ASNSD1: variants seen among roughly 807,000 people sequenced by gnomAD.
The protein encoded by ASNSD1 is asparagine synthetase domain containing 1.
Under a neutral mutation model 48.3 loss-of-function variants are expected in ASNSD1, and 36 were observed. That is an observed-to-expected ratio of 0.75 (90% CI 0.57 to 0.99). The LOEUF (loss-of-function observed/expected upper bound fraction) is 0.99, where lower values mean the gene tolerates loss of function less well. ASNSD1 is among the 50% of genes least tolerant of loss of function. The pLI, the probability that ASNSD1 is intolerant of heterozygous loss-of-function variation, is 0.00. For missense variants in ASNSD1, 714 were observed against 758.2 expected (o/e 0.94, Z 0.69); for synonymous variants, 257 against 262.1 (o/e 0.98, Z 0.19).
rs561528594 is a variant in ASNSD1, at chr2:189,667,520, C to T, written c.1388C>T (p.Ala463Val). The T allele has an allele frequency of 1.2e-6, 2 of 1,614,080 alleles. No homozygotes were observed. The highest frequency in any genetic ancestry group is 2.2e-5 in the South Asian group (2 of 91,078). Residue 463 changes from alanine to valine, a missense_variant, in exon 4 of 6, where the codon GCA becomes GTA. Transcript: ENST00000260952. ...GTTTTGGATGATAGCATTGGCTGTGCAGTCTGGTTTGCTTCTAGAGGAATT... is the reference window on the plus strand; with the variant it reads ...GTTTTGGATGATAGCATTGGCTGTGTAGTCTGGTTTGCTTCTAGAGGAATT... Reference protein sequence around the residue: ...DTVLDDSIGCAVWFASRGIGW... With the variant: ...DTVLDDSIGCVVWFASRGIGW...
chr2:189,670,190 CAAA>C (rs201038334), intron 5 of ASNSD1, among the ~76,000 whole-genome samples: 6 of 80,474 alleles, frequency 7.5e-5, no homozygotes, highest in Admixed American at 1.3e-4. Flanking sequence ...CTCACCTAGG[CAAA>C]AAAAAAAAAA....
At chr2:189,665,102 GTAT>G (rs964833610) in intron 2 of ASNSD1, among the ~76,000 whole-genome samples, 39 of 152,274 alleles carry the variant, frequency 2.6e-4, no homozygotes, top group African/African-American at 8.9e-4. Context: ...ATAAGAAAAA[GTAT>G]TCTCAATATA....
In ASNSD1 at chr2:189,666,291, C is replaced by G; in HGVS notation, c.159C>G (p.Val53=). ...VNYQCLFSAH[V]LHLRGVLTTQ... is the part of the protein sequence containing the mutation. ...ACCAGTGTTTATTTTCTGCTCACGT[C>G]CTACACTTGAGGGGTGTTTTGACTA... The change falls in exon 4 of 6, where the codon GTC becomes GTG. Residue 53 remains valine (V), a synonymous_variant. Coordinates refer to ENST00000260952, the MANE Select transcript of ASNSD1 (RefSeq NM_019048.4). The G allele has an allele frequency of 6.2e-7, 1 of 1,614,068 alleles. No individual in the cohort carries two copies. The highest frequency in any genetic ancestry group is 1.1e-5 in the South Asian group (1 of 91,072).
rs1574282048 is a variant in ASNSD1 at position 189,670,700 on chromosome 2, T to C, written c.1906T>C (p.Ser636Pro). ...CCAAATCATGTCCTTAGAAAATCTT[T>C]CTATTGAAAAGGAGACTAAATTGTA... ...RLQIMSLENLSIEKETKL is the reference protein window; with the variant it reads ...RLQIMSLENLPIEKETKL Residue 636 changes from serine to proline, a missense_variant, in exon 6 of 6, where the codon TCT (serine) becomes CCT (proline). By Grantham distance (74) the Ser-to-Pro change is moderately conservative (BLOSUM62 -1). Coordinates refer to ENST00000260952, the MANE Select transcript of ASNSD1 (RefSeq NM_019048.4). 3.1e-6 allele frequency: 5 copies of C among 1,597,592 alleles called. No individual in the cohort carries two copies. The highest frequency in any genetic ancestry group is 2.3e-5 in the South Asian group (2 of 86,858).
intron 4 of ASNSD1, 80 bp downstream of exon 4, chr2:189,667,676 G>A (rs1479625949): frequency 6.5e-7 from 1 of 1,538,402 alleles, no homozygotes; most frequent in Non-Finnish European, 8.7e-7. Flanking sequence ...TTGATTGTAA[G>A]AATATAGCAT....
At chr2:189,665,630 A>ATATATATATACG (rs1559034492) in intron 3 of ASNSD1, among the ~76,000 whole-genome samples, 179 bp downstream of exon 3, 3 of 97,542 alleles carry the variant, frequency 3.1e-5, no homozygotes, top group African/African-American at 1.1e-4. Flanking sequence ...ATATATATAT[A>ATATATATATACG]TATATATATA....
chr2:189,668,390 G>A (rs116436074), intron 5 of ASNSD1, among the ~76,000 whole-genome samples: 2,532 of 152,252 alleles, frequency 0.017, 71 homozygotes, highest in African/African-American at 0.058. Flanking sequence ...GGTGCTGCAT[G>A]CCTGTAGTTC....
At position 189,666,204 on chromosome 2, in the gene ASNSD1, A is replaced by G. The variant is rs760935277; in HGVS notation, c.72A>G (p.Leu24=). 1.1e-5 allele frequency: 18 copies of G among 1,612,604 alleles called. No homozygotes were observed. In the East Asian group the frequency reaches 3.8e-4, roughly 34 times the overall value. The change falls in exon 4 of 6, where the codon CTA becomes CTG. Residue 24 remains leucine (L), a synonymous_variant. Coordinates refer to ENST00000260952, the MANE Select transcript of ASNSD1 (RefSeq NM_019048.4). ...GTCAAGATTTAAAAGAGGACTTACT[A>G]TATAATCTTAAACAGCGGGGACCCA... ...HFSQDLKEDL[L]YNLKQRGPNS... is the part of the protein sequence containing the mutation.
At chr2:189,665,479 G>C (rs1328102756) in intron 3 of ASNSD1, 28 bp downstream of exon 3, 1 of 394,954 alleles carries the variant, frequency 2.5e-6, no homozygotes, top group Non-Finnish European at 4.5e-6. Context: ...TGGGGTTTTT[G>C]GGGGGTGCCT....
In ASNSD1 at chr2:189,661,469, C is replaced by T. The variant is rs756327256; in HGVS notation, c.-364C>T. ...AAGCGCGCATGCGCTGTGGCTAATG[C>T]CGTAGGCTCCTTCAGGGCTGAGCCA... On this transcript the variant is annotated 5_prime_UTR_variant, in exon 1 of 6. Coordinates refer to ENST00000260952, the MANE Select transcript of ASNSD1 (RefSeq NM_019048.4). The T allele has an allele frequency of 1.0e-5, 4 of 399,074 alleles. No individual in the cohort carries two copies. Among genetic ancestry groups the T allele is most frequent in the South Asian group, 1.3e-4 (1 of 7,866 alleles). 24.7% of individuals were successfully genotyped at this position (399,074 alleles called of 1,614,324 possible). A position where few individuals can be genotyped will look rare whatever the true frequency, so the allele number is the denominator to read the frequency against.
chr2:189,667,559 C>A lies in ASNSD1; in HGVS notation c.1427C>A (p.Ala476Asp). The A allele has an allele frequency of 6.2e-7, 1 of 1,612,722 alleles. No individual in the cohort carries two copies. The highest frequency in any genetic ancestry group is 1.3e-5 in the African/African-American group (1 of 74,940). The change falls in exon 4 of 6, where the codon GCC (alanine) becomes GAC (aspartate). Residue 476 changes from alanine (A) to aspartate (D), a missense_variant. Coordinates refer to ENST00000260952, the MANE Select transcript of ASNSD1 (RefSeq NM_019048.4). Reference sequence around the variant, plus strand: ...TCTAGAGGAATTGGTTGGTTAGTGGCCCAGGAAGGAGTGAAATCCTATCAG... The same window carrying A: ...TCTAGAGGAATTGGTTGGTTAGTGGACCAGGAAGGAGTGAAATCCTATCAG... ...FASRGIGWLVAQEGVKSYQSN... is the reference protein window; with the variant it reads ...FASRGIGWLVDQEGVKSYQSN...
chr2:189,663,287 C>G (rs2032712473), intron 1 of ASNSD1, among the ~76,000 whole-genome samples: 2 of 151,650 alleles, frequency 1.3e-5, no homozygotes, highest in Non-Finnish European at 2.9e-5. Context: ...GAGTTTCACT[C>G]TTGTTGCCCA....
Position 189,666,550 on chromosome 2 carries a change from C to T in ASNSD1, c.418C>T (p.Arg140Cys), listed in dbSNP as rs1271827593. The change falls in exon 4 of 6, where the codon CGC (arginine) becomes TGC (cysteine). Residue 140 changes from arginine to cysteine, a missense_variant. Coordinates refer to ENST00000260952, the MANE Select transcript of ASNSD1 (RefSeq NM_019048.4). ...ATGGTTTGGTAGGGATTTTTTTGGTCGCCGTAGCTTGCTTTGGCATTTTAG... is the reference window on the plus strand; with the variant it reads ...ATGGTTTGGTAGGGATTTTTTTGGTTGCCGTAGCTTGCTTTGGCATTTTAG... ...YLWFGRDFFG[R>C]RSLLWHFSNL... The T allele has an allele frequency of 2.5e-5, 40 of 1,612,906 alleles. No homozygotes were observed. The highest frequency in any genetic ancestry group is 3.3e-5 in the Non-Finnish European group (39 of 1,179,720).
Position 189,667,905 on chromosome 2 carries a change from C to T in ASNSD1, c.1606C>T (p.Arg536Cys), listed in dbSNP as rs945567828. The change falls in exon 5 of 6, where the codon CGT becomes TGT. Residue 536 changes from arginine to cysteine, a missense_variant. Arg to Cys is a radical substitution (Grantham distance 180). Transcript: ENST00000260952. Reference protein sequence around the residue: ...LGRISSRNLGRDDRVIGDHGK... With the variant: ...LGRISSRNLGCDDRVIGDHGK... ...TCGAATTTCTTCTAGAAATCTTGGT[C>T]GTGATGACAGAGTTATTGGTGATCA... The T allele has an allele frequency of 4.3e-6, 7 of 1,613,516 alleles. No individual in the cohort carries two copies. The highest frequency in any genetic ancestry group is 1.6e-4 in the Middle Eastern group (1 of 6,084).
At position 189,670,545 on chromosome 2, in the gene ASNSD1, T is replaced by A. The variant is rs2032903142; in HGVS notation, c.1751T>A (p.Leu584Ter). ...CGAGGAATTGGTGAAAAATTACTTT[T>A]ACGCCTTGCAGCTGTGGAACTTGGT... ...LPRGIGEKLLLRLAAVELGLT... is the reference protein window; with the variant it reads ...LPRGIGEKLL Residue 584 changes from leucine to a stop codon, truncating the protein, a stop_gained, in exon 6 of 6, where the codon TTA becomes TAA. Coordinates refer to ENST00000260952, the MANE Select transcript of ASNSD1 (RefSeq NM_019048.4). LOFTEE classifies it high-confidence loss of function. 1 of 1,614,182 alleles carries A rather than the reference T, an allele frequency of 6.2e-7. No homozygotes were observed.
intron 2 of ASNSD1, among the ~76,000 whole-genome samples, 185 bp from the exon 3 acceptor site, chr2:189,665,191 A>T (rs1333943824): frequency 6.6e-6 from 1 of 152,142 alleles, no homozygotes; most frequent in African/African-American, 2.4e-5. Context: ...AAATAGTTTC[A>T]TTTCAGTAGT....
At chr2:189,668,529 CTG>C (rs2032861723) in intron 5 of ASNSD1, among the ~76,000 whole-genome samples, 2 of 152,056 alleles carry the variant, frequency 1.3e-5, no homozygotes, top group African/African-American at 2.4e-5. Flanking sequence ...CAGAGTAAAA[CTG>C]AGATAGTGAA....
At position 189,667,896 on chromosome 2, in the gene ASNSD1, A is replaced by T; in HGVS notation, c.1597A>T (p.Asn533Tyr). 6.2e-7 allele frequency: 1 copy of T among 1,613,984 alleles called. No individual in the cohort carries two copies. The highest frequency in any genetic ancestry group is 1.1e-5 in the South Asian group (1 of 91,014). ...MMELGRISSRNLGRDDRVIGD... is the reference protein window; with the variant it reads ...MMELGRISSRYLGRDDRVIGD... Reference sequence around the variant, plus strand: ...GGAACTGGGTCGAATTTCTTCTAGAAATCTTGGTCGTGATGACAGAGTTAT... The same window carrying T: ...GGAACTGGGTCGAATTTCTTCTAGATATCTTGGTCGTGATGACAGAGTTAT... Residue 533 changes from asparagine to tyrosine, a missense_variant, in exon 5 of 6, where the codon AAT (asparagine) becomes TAT (tyrosine). Transcript: ENST00000260952.
Position 189,667,347 on chromosome 2 carries a change from T to A in ASNSD1, c.1215T>A (p.Asp405Glu). 1 of 1,614,168 alleles carries A rather than the reference T, an allele frequency of 6.2e-7. No homozygotes were observed. The highest frequency in any genetic ancestry group is 8.5e-7 in the Non-Finnish European group (1 of 1,180,016). ...CTAATAAACATGTCAGTGTACCAGA[T>A]CGAATCACAGGAAGGGCGGGACTAA... ...DSPNKHVSVP[D>E]RITGRAGLKE... Residue 405 changes from aspartate (D) to glutamate (E), a missense_variant, in exon 4 of 6, where the codon GAT becomes GAA. Transcript: ENST00000260952.
Sources: gnomAD v4.1 joint callset for allele counts (sites outside exome capture counted in the v4.1 genomes callset) on GRCh38, gnomAD v4.1.1 for gene constraint, MANE v1.5 for transcripts, NCBI Gene and HGNC (gene_info 2026-07-23, HGNC 2026-07-21) for gene names.